Variants in TYRP1 observed in about 807,000 individuals in gnomAD.
The protein encoded by TYRP1 is tyrosinase related protein 1, also known as 5,6-dihydroxyindole-2-carboxylic acid oxidase.
TYRP1 carries 49 observed loss-of-function variants against 42.8 expected under a neutral mutation model. The observed-to-expected ratio is 1.14, with a 90% CI of 0.91 to 1.45. The LOEUF (loss-of-function observed/expected upper bound fraction) is 1.45. Among genes scored for constraint, TYRP1 ranks in the 40% most tolerant of loss-of-function variants. The probability of loss-of-function intolerance (pLI) is 0.00; values close to 1 mark genes in which losing one functional copy is unlikely to be tolerated. For missense variants in TYRP1, 848 were observed against 662.0 expected (o/e 1.28, Z -3.08); for synonymous variants, 279 against 235.4 (o/e 1.19, Z -1.69).
intron 6 of TYRP1, among the ~76,000 whole-genome samples, chr9:12,706,768 GA>G (rs1280956874): frequency 6.6e-6 from 1 of 151,898 alleles, no homozygotes; most frequent in African/African-American, 2.4e-5. Flanking sequence ...AGAAAAATTA[GA>G]AAGATTAAAA....
Position 12,703,510 on chromosome 9 carries a change from C to A in TYRP1, c.1082-1016C>A, listed in dbSNP as rs528089767. Among the ~76,000 whole-genome samples the A allele has an allele frequency of 7.2e-5, 11 of 151,878 alleles. 2 individuals carry two copies. The highest frequency in any genetic ancestry group is 2.7e-4 in the African/African-American group (11 of 41,476). On this transcript the variant is annotated intron_variant, in intron 5 of 7. Coordinates refer to ENST00000388918, the MANE Select transcript of TYRP1 (RefSeq NM_000550.3). ...ATGTACAGATTGTGTCTTCTTAATG[C>A]CCAATCAGAAGACAATTATACTTAT...
At chr9:12,701,605 G>A (rs1255904605) in intron 4 of TYRP1, 2 of 151,760 alleles carry the variant, frequency 1.3e-5, no homozygotes, top group South Asian at 4.2e-4. Context: ...AAGCCTTTCT[G>A]GAGATCTGAC....
At chr9:12,707,234 T>G (rs1489958974) in intron 6 of TYRP1, among the ~76,000 whole-genome samples, 2 of 151,992 alleles carry the variant, frequency 1.3e-5, no homozygotes, top group Non-Finnish European at 2.9e-5. Context: ...TACTTTACTT[T>G]TTGAGCTGTG....
intron 4 of TYRP1, among the ~76,000 whole-genome samples, chr9:12,701,987 A>T (rs779578361): frequency 6.6e-6 from 1 of 152,058 alleles, no homozygotes; most frequent in Non-Finnish European, 1.5e-5. Flanking sequence ...CTTGTGGAAG[A>T]AGCATATATT....
chr9:12,702,127 G>T, intron 4 of TYRP1, 144 bp from the exon 5 acceptor site: 3 of 765,306 alleles, frequency 3.9e-6, no homozygotes, highest in Non-Finnish European at 6.2e-6. Flanking sequence ...TCATTTTAAT[G>T]CTACCAAGTA....
chr9:12,698,561 T>C lies in TYRP1; in HGVS notation c.819T>C (p.Asp273=). Residue 273 remains aspartate (D), a synonymous_variant, in exon 4 of 8, where the codon GAT becomes GAC. Transcript: ENST00000388918. ...DDLMGSRSNF[D]STLISPNSVF... ...TGATGGGATCCAGAAGCAACTTTGATTCCACTCTAATAAGCCCAAACTCTG... is the reference window on the plus strand; with the variant it reads ...TGATGGGATCCAGAAGCAACTTTGACTCCACTCTAATAAGCCCAAACTCTG... 6.2e-7 allele frequency: 1 copy of C among 1,613,886 alleles called. No homozygotes were observed. Among genetic ancestry groups the C allele is most frequent in the Non-Finnish European group, 8.5e-7 (1 of 1,179,828 alleles).
chr9:12,705,467 A>G (rs200987936), intron 6 of TYRP1, among the ~76,000 whole-genome samples: 1 of 152,062 alleles, frequency 6.6e-6, no homozygotes, highest in Non-Finnish European at 1.5e-5. Context: ...TTTCATTTCT[A>G]TGTGTGTATG....
Position 12,704,700 on chromosome 9 carries a change from A to G in TYRP1, c.1256A>G (p.Asn419Ser), listed in dbSNP as rs1312043731. 4 of 1,612,784 alleles carry G rather than the reference A, an allele frequency of 2.5e-6. No individual in the cohort carries two copies. Among genetic ancestry groups the G allele is most frequent in the Middle Eastern group, 1.7e-4 (1 of 6,052 alleles). The change falls in exon 6 of 8, where the codon AAT (asparagine) becomes AGT (serine). Residue 419 changes from asparagine (N) to serine (S), a missense_variant. Coordinates refer to ENST00000388918, the MANE Select transcript of TYRP1 (RefSeq NM_000550.3). The part of the protein sequence containing the change: ...AVFDEWLRRY[N>S]ADISTFPLEN... Reference sequence around the variant, plus strand: ...TTTGATGAATGGCTGAGGAGATACAATGCTGGTAAGACATTTTCATATGCC... The same window carrying G: ...TTTGATGAATGGCTGAGGAGATACAGTGCTGGTAAGACATTTTCATATGCC...
In TYRP1 at chr9:12,707,149, A is replaced by G. The variant is rs539905173; in HGVS notation, c.1262-848A>G. 3.4e-4 allele frequency among the ~76,000 whole-genome samples: 52 copies of G among 152,168 alleles called. No homozygotes were observed. The South Asian group carries it at 3.9e-3, about 12-fold the overall frequency. Reference sequence around the variant, plus strand: ...TTTCAACTGAGAATTATATGAATTAAGTTTTAAATATAGCAGCCCAGAAGT... The same window carrying G: ...TTTCAACTGAGAATTATATGAATTAGGTTTTAAATATAGCAGCCCAGAAGT... On this transcript the variant is annotated intron_variant, in intron 6 of 7. Transcript: ENST00000388918.
chr9:12,702,636 A>G (rs1486707552), intron 5 of TYRP1, among the ~76,000 whole-genome samples, 198 bp downstream of exon 5: 2 of 152,032 alleles, frequency 1.3e-5, no homozygotes, highest in Non-Finnish European at 1.5e-5. Flanking sequence ...AGCTCTTTTC[A>G]TTATAGGTGA....
intron 4 of TYRP1, 57 bp from the exon 5 acceptor site, chr9:12,702,214 G>A (rs1036842967): frequency 3.7e-5 from 58 of 1,582,742 alleles, no homozygotes; most frequent in African/African-American, 1.1e-4. Context: ...TTTAAAGAGC[G>A]ACAATAAGAA....
rs2118224192 is a variant in TYRP1, at chr9:12,695,840, A to G, written c.708+3A>G. 6.2e-7 allele frequency: 1 copy of G among 1,613,820 alleles called. No individual in the cohort carries two copies. ...TGCGTCTGGAGAAAGACATGCAGGTATGTAAGAAGCATTTCAGTTTGCAGA... is the reference window on the plus strand; with the variant it reads ...TGCGTCTGGAGAAAGACATGCAGGTGTGTAAGAAGCATTTCAGTTTGCAGA... On this transcript the variant is annotated splice_donor_region_variant and intron_variant, in intron 3 of 7. Transcript: ENST00000388918.
Position 12,695,854 on chromosome 9 carries a change from T to C in TYRP1, c.708+17T>C, listed in dbSNP as rs768796774. On this transcript the variant is annotated intron_variant, in intron 3 of 7. Coordinates refer to ENST00000388918, the MANE Select transcript of TYRP1 (RefSeq NM_000550.3). ...GACATGCAGGTATGTAAGAAGCATT[T>C]CAGTTTGCAGACTCTTTACAGACAA... 5.6e-6 allele frequency: 9 copies of C among 1,612,862 alleles called. No homozygotes were observed. In the Admixed American group the frequency reaches 1.5e-4, roughly 27 times the overall value.
intron 3 of TYRP1, among the ~76,000 whole-genome samples, chr9:12,696,987 A>C (rs1215482684): frequency 6.6e-6 from 1 of 152,202 alleles, no homozygotes; most frequent in East Asian, 1.9e-4. Flanking sequence ...ATGCACTAAC[A>C]TACAGGATAA....
intron 7 of TYRP1, 148 bp downstream of exon 7, chr9:12,708,291 G>A: frequency 4.0e-6 from 4 of 1,000,056 alleles, no homozygotes; most frequent in Non-Finnish European, 4.5e-6. Flanking sequence ...GATAAGGGAA[G>A]GAATTTGATA....
In TYRP1 at chr9:12,694,339, C is replaced by A. The variant is rs756589047; in HGVS notation, c.343C>A (p.Pro115Thr). ...AGGACACAACTGTGGGACGTGCCGT[C>A]CTGGCTGGAGAGGAGCTGCCTGTGA... The part of the protein sequence containing the change: ...FSGHNCGTCR[P>T]GWRGAACDQR... Residue 115 changes from proline to threonine, a missense_variant, in exon 2 of 8, where the codon CCT becomes ACT. By Grantham distance (38) the Pro-to-Thr change is conservative. Coordinates refer to ENST00000388918, the MANE Select transcript of TYRP1 (RefSeq NM_000550.3). 1 of 1,614,032 alleles carries A rather than the reference C, an allele frequency of 6.2e-7. No individual in the cohort carries two copies. The highest frequency in any genetic ancestry group is 1.3e-5 in the African/African-American group (1 of 75,052).
At chr9:12,696,977 A>G (rs1190497269) in intron 3 of TYRP1, among the ~76,000 whole-genome samples, 2 of 152,194 alleles carry the variant, frequency 1.3e-5, no homozygotes, top group Admixed American at 1.3e-4. Flanking sequence ...GAGAGAATTA[A>G]TGCACTAACA....
chr9:12,703,525 A>G (rs1818208102), intron 5 of TYRP1, among the ~76,000 whole-genome samples: 2 of 152,084 alleles, frequency 1.3e-5, no homozygotes, highest in African/African-American at 2.4e-5. Flanking sequence ...TCAGAAGACA[A>G]TTATACTTAT....
At chr9:12,698,363 T>C (rs2075508) in intron 3 of TYRP1, 88 bp from the exon 4 acceptor site, 125,902 of 1,297,354 alleles carry the variant, frequency 0.097, 9,182 homozygotes, top group South Asian at 0.27. Flanking sequence ...AGAGAGCTAA[T>C]AGAAATAGAC....
Sources: allele counts gnomAD v4.1 joint callset (sites outside exome capture counted in the v4.1 genomes callset), GRCh38; gene constraint gnomAD v4.1.1; transcripts MANE v1.5; gene names NCBI Gene and HGNC (gene_info 2026-07-23, HGNC 2026-07-21).